The following MSANTD4 variants were observed in gnomAD, a reference collection of about 807,000 sequenced individuals.
MSANTD4 encodes Myb/SANT DNA binding domain containing 4 with coiled-coils, also known as myb/SANT-like DNA-binding domain-containing protein 4.
In MSANTD4, 13 loss-of-function variants were observed where a neutral mutation model predicts 34.3. The ratio of observed to expected loss-of-function variants is 0.38; its 90% confidence interval spans 0.25 to 0.60. The LOEUF (loss-of-function observed/expected upper bound fraction) is 0.60. Ranked by LOEUF, MSANTD4 falls within the 20% of genes least tolerant of loss-of-function variation. The pLI, the probability that MSANTD4 is intolerant of heterozygous loss-of-function variation, is 0.63. For missense variants in MSANTD4, 358 were observed against 401.8 expected, an observed-to-expected ratio of 0.89 and a Z score of 0.93; for synonymous variants, 137 against 145.2, an observed-to-expected ratio of 0.94 and a Z score of 0.41.
intron 1 of MSANTD4, among the ~76,000 whole-genome samples, chr11:106,015,014 AAATTT>A (rs1282141921): frequency 6.6e-6 from 1 of 152,248 alleles, no homozygotes; most frequent in Non-Finnish European, 1.5e-5. Flanking sequence ...TTCTCAAGAG[AAATTT>A]AATAATAAAA....
rs1372217326 is a variant in MSANTD4 at position 106,008,241 on chromosome 11, G to A, written c.*1294C>T. On this transcript the variant is annotated 3_prime_UTR_variant, in exon 3 of 3. Transcript: ENST00000301919. ...TCAGAGAGCTGAAGGAAAATCATCA[G>A]GTCAAGCAAGCCCTTGGTCTCAGAA... 2 of 152,582 alleles carry A rather than the reference G, an allele frequency of 1.3e-5. No individual in the cohort carries two copies. The highest frequency in any genetic ancestry group is 4.1e-4 in the South Asian group (2 of 4,820). 9.5% of individuals were successfully genotyped at this position (152,582 alleles called of 1,614,324 possible). A position where few individuals can be genotyped will look rare whatever the true frequency, so the allele number is the denominator to read the frequency against.
intron 1 of MSANTD4, among the ~76,000 whole-genome samples, chr11:106,019,057 C>T (rs1337083378): frequency 1.3e-5 from 2 of 152,162 alleles, no homozygotes; most frequent in Non-Finnish European, 2.9e-5. Context: ...TTCCCTTGCT[C>T]TTCCTCTCTT....
intron 1 of MSANTD4, among the ~76,000 whole-genome samples, chr11:106,014,727 T>C (rs1437847561): frequency 6.6e-6 from 1 of 152,234 alleles, no homozygotes; most frequent in African/African-American, 2.4e-5. Context: ...GTATTCTTTC[T>C]TCAGCTGACT....
rs1178357543 is a variant in MSANTD4, at chr11:106,021,954, C to T, written c.-1143G>A. The T allele has an allele frequency of 6.6e-6, 1 of 152,338 alleles. No homozygotes were observed. Among genetic ancestry groups the T allele is most frequent in the African/African-American group, 2.4e-5 (1 of 41,458 alleles). The allele number at this position is 152,338 out of a possible 1,614,324, so 9.4% of individuals were successfully genotyped here. On this transcript the variant is annotated 5_prime_UTR_variant, in exon 1 of 3. Coordinates refer to ENST00000301919, the MANE Select transcript of MSANTD4 (RefSeq NM_032424.3). Reference sequence around the variant, plus strand: ...AGAGTCCCGACTGAGTGCCCAGAAACTTCTGCAGTCTTGTTTCCGTGGCCT... The same window carrying T: ...AGAGTCCCGACTGAGTGCCCAGAAATTTCTGCAGTCTTGTTTCCGTGGCCT...
chr11:106,020,505 C>CGAGAAATCTG (rs1350536448), intron 1 of MSANTD4, among the ~76,000 whole-genome samples: 1 of 152,084 alleles, frequency 6.6e-6, no homozygotes, highest in Non-Finnish European at 1.5e-5. Flanking sequence ...TGTCGAGAGT[C>CGAGAAATCTG]CAAATTTATG....
In MSANTD4 at chr11:106,009,867, C is replaced by T. The variant is rs758199167; in HGVS notation, c.706G>A (p.Glu236Lys). 17 of 1,613,678 alleles carry T rather than the reference C, an allele frequency of 1.1e-5. No individual in the cohort carries two copies. Among genetic ancestry groups the T allele is most frequent in the Admixed American group, 3.3e-5 (2 of 59,898 alleles). The change falls in exon 3 of 3, where the codon GAG becomes AAG. Residue 236 changes from glutamate to lysine, a missense_variant. Transcript: ENST00000301919. ...TCTAAATGCCGCAGCCTCTCTTTCTCGATTTGTAGGCGTTCCTTTTCTACC... is the reference window on the plus strand; with the variant it reads ...TCTAAATGCCGCAGCCTCTCTTTCTTGATTTGTAGGCGTTCCTTTTCTACC... Reference protein sequence around the residue: ...LQVEKERLQIEKERLRHLDME... With the variant: ...LQVEKERLQIKKERLRHLDME...
chr11:106,013,388 T>A (rs1197741769), intron 1 of MSANTD4, among the ~76,000 whole-genome samples: 1 of 152,178 alleles, frequency 6.6e-6, no homozygotes, highest in Non-Finnish European at 1.5e-5. Flanking sequence ...AATCCTGTCA[T>A]TTAAACCCCA....
In MSANTD4 at chr11:106,009,997, T is replaced by C. The variant is rs1170331655; in HGVS notation, c.576A>G (p.Thr192=). 6.2e-7 allele frequency: 1 copy of C among 1,608,740 alleles called. No individual in the cohort carries two copies. The highest frequency in any genetic ancestry group is 8.5e-7 in the Non-Finnish European group (1 of 1,179,990). The change falls in exon 3 of 3, where the codon ACA becomes ACG. Residue 192 remains threonine, a synonymous_variant. Coordinates refer to ENST00000301919, the MANE Select transcript of MSANTD4 (RefSeq NM_032424.3). ...HIDEFFTLNS[T]PSRSAYDEPH... is the part of the protein sequence containing the mutation. Reference sequence around the variant, plus strand: ...GCTCATCATATGCAGATCTAGATGGTGTTGAGTTAAGGGTAAAAAACTCAT... The same window carrying C: ...GCTCATCATATGCAGATCTAGATGGCGTTGAGTTAAGGGTAAAAAACTCAT...
Position 106,010,813 on chromosome 11 carries a change from C to T in MSANTD4, c.105G>A (p.Gln35=). Residue 35 remains glutamine, a synonymous_variant, in exon 2 of 3, where the codon CAG becomes CAA. Transcript: ENST00000301919. ...TKRKEVIFSK[Q]LNTTINVMKR... ...TCATCACATTAATTGTTGTATTGAG[C>T]TGCTTGGAAAAAATGACTTCTTTCC... 1.9e-6 allele frequency: 3 copies of T among 1,614,126 alleles called. No individual in the cohort carries two copies. The highest frequency in any genetic ancestry group is 2.5e-6 in the Non-Finnish European group (3 of 1,179,994).
At position 106,009,363 on chromosome 11, in the gene MSANTD4, G is replaced by A. The variant is rs1298539633; in HGVS notation, c.*172C>T. 2 of 618,842 alleles carry A rather than the reference G, an allele frequency of 3.2e-6. No individual in the cohort carries two copies. Among genetic ancestry groups the A allele is most frequent in the Middle Eastern group, 3.5e-4 (1 of 2,832 alleles). The allele number at this position is 618,842 out of a possible 1,614,324, so 38.3% of individuals were successfully genotyped here. A position where few individuals can be genotyped will look rare whatever the true frequency, so the allele number is the denominator to read the frequency against. On this transcript the variant is annotated 3_prime_UTR_variant, in exon 3 of 3. Transcript: ENST00000301919. ...GTTTCTGCTATACTGTTTACGCTAG[G>A]GCACAGCTTTTATATACTACTTAGG... is the stretch of plus-strand genomic sequence containing the variant.
chr11:106,018,376 A>G (rs367856264), intron 1 of MSANTD4, among the ~76,000 whole-genome samples: 64 of 152,176 alleles, frequency 4.2e-4, no homozygotes, highest in Middle Eastern at 6.8e-3. Context: ...GTAGGTCTAT[A>G]GCACATCAAA....
chr11:106,021,828 G>A lies in MSANTD4; in HGVS notation c.-1017C>T, dbSNP rs1860049307. ...CGGAAGGCCACCCAGGGGAGCAGGG[G>A]CGCGCACCTGCCTCGGCCACAATGA... On this transcript the variant is annotated 5_prime_UTR_variant, in exon 1 of 3. Transcript: ENST00000301919. The A allele has an allele frequency of 6.6e-6, 1 of 152,324 alleles. No homozygotes were observed. Among genetic ancestry groups the A allele is most frequent in the Admixed American group, 6.5e-5 (1 of 15,280 alleles). 9.4% of individuals were successfully genotyped at this position (152,324 alleles called of 1,614,324 possible).
At chr11:106,017,468 A>G (rs1247446340) in intron 1 of MSANTD4, among the ~76,000 whole-genome samples, 3 of 152,244 alleles carry the variant, frequency 2.0e-5, no homozygotes, top group Admixed American at 2.0e-4. Flanking sequence ...TTTTTATTAT[A>G]GAGAACTACA....
intron 1 of MSANTD4, among the ~76,000 whole-genome samples, chr11:106,014,743 C>T (rs537336934): frequency 2.0e-5 from 3 of 152,176 alleles, no homozygotes; most frequent in African/African-American, 7.2e-5. Context: ...TGACTTTGTA[C>T]GTGTCTAATA....
intron 1 of MSANTD4, among the ~76,000 whole-genome samples, chr11:106,013,328 A>C (rs1859752780): frequency 6.6e-6 from 1 of 152,152 alleles, no homozygotes; most frequent in African/African-American, 2.4e-5. Context: ...TTGACCTTAA[A>C]CTTTTCCTGT....
chr11:106,018,089 G>A (rs766012253), intron 1 of MSANTD4, among the ~76,000 whole-genome samples: 8 of 151,896 alleles, frequency 5.3e-5, no homozygotes, highest in Non-Finnish European at 1.2e-4. Flanking sequence ...ATCTACACAC[G>A]TAATTTAAAA....
At chr11:106,019,079 C>A (rs1859950233) in intron 1 of MSANTD4, among the ~76,000 whole-genome samples, 1 of 152,156 alleles carries the variant, frequency 6.6e-6, no homozygotes, top group African/African-American at 2.4e-5. Context: ...CTATTGTAAA[C>A]CCTATCTGAA....
chr11:106,011,121 T>TG, intron 1 of MSANTD4, 54 bp from the exon 2 acceptor site: 1 of 829,874 alleles, frequency 1.2e-6, no homozygotes, highest in South Asian at 2.2e-5. Context: ...TACAACATAC[T>TG]TCAACCTAAT....
At chr11:106,015,076 A>G (rs1427112307) in intron 1 of MSANTD4, among the ~76,000 whole-genome samples, 1 of 152,216 alleles carries the variant, frequency 6.6e-6, no homozygotes, top group Non-Finnish European at 1.5e-5. Context: ...AGCACTCTTG[A>G]TACTGCCCTA....
Sources: gnomAD v4.1 joint callset for allele counts (sites outside exome capture counted in the v4.1 genomes callset) on GRCh38, gnomAD v4.1.1 for gene constraint, MANE v1.5 for transcripts, NCBI Gene and HGNC (gene_info 2026-07-23, HGNC 2026-07-21) for gene names.